Variants in RNF139 observed in about 807,000 individuals in gnomAD.
The protein encoded by RNF139 is E3 ubiquitin-protein ligase RNF139.
In RNF139, 15 loss-of-function variants were observed where a neutral mutation model predicts 49.5. That is an observed-to-expected ratio of 0.30 (90% CI 0.20 to 0.47). The LOEUF (loss-of-function observed/expected upper bound fraction) is 0.47, where lower values mean the gene tolerates loss of function less well. RNF139 is among the 20% of genes least tolerant of loss of function. The probability of loss-of-function intolerance (pLI) is 1.00; values close to 1 mark genes in which losing one functional copy is unlikely to be tolerated. For missense variants in RNF139, 619 were observed against 806.3 expected (o/e 0.77, Z 2.81); for synonymous variants, 325 against 300.9 (o/e 1.08, Z -0.83).
At position 124,475,195 on chromosome 8, in the gene RNF139, C is replaced by T; in HGVS notation, c.86C>T (p.Pro29Leu). ...GCGCTCGAAGTGGCGCTCCGGGTGC[C>T]CTGCCTTTACATCATCGACGCCATC... ...WAALEVALRV[P>L]CLYIIDAIFN... The change falls in exon 1 of 2, where the codon CCC becomes CTC. Residue 29 changes from proline (P) to leucine (L), a missense_variant. Pro to Leu is a moderately conservative substitution (Grantham distance 98). Around this residue, in one of 2 missense-constraint regions of RNF139, gnomAD observed 89 missense variants for 77.5 expected, o/e 1.15. Coordinates refer to ENST00000303545, the MANE Select transcript of RNF139 (RefSeq NM_007218.4). 1 of 1,614,038 alleles carries T rather than the reference C, an allele frequency of 6.2e-7. No individual in the cohort carries two copies. The highest frequency in any genetic ancestry group is 8.5e-7 in the Non-Finnish European group (1 of 1,179,998).
chr8:124,487,823 C>G lies in RNF139; in HGVS notation c.*179C>G. 1 of 593,644 alleles carries G rather than the reference C, an allele frequency of 1.7e-6. No homozygotes were observed. Among genetic ancestry groups the G allele is most frequent in the Non-Finnish European group, 2.9e-6 (1 of 348,368 alleles). 36.8% of individuals were successfully genotyped at this position (593,644 alleles called of 1,614,324 possible). ...TGTAAATATACCTCTTTAATTACTT[C>G]TGGTCTCTTTGGTGACCTGTTTAAA... On this transcript the variant is annotated 3_prime_UTR_variant, in exon 2 of 2. Coordinates refer to ENST00000303545, the MANE Select transcript of RNF139 (RefSeq NM_007218.4).
In RNF139 at chr8:124,487,025, A is replaced by G; in HGVS notation, c.1376A>G (p.Asp459Gly). ...AATGTCCTCTGGGAAAAGCTTGACG[A>G]TTATGTCTACTACGTTCGTTCAACA... is the stretch of plus-strand genomic sequence containing the variant. ...YYNVLWEKLD[D>G]YVYYVRSTGS... The change falls in exon 2 of 2, where the codon GAT becomes GGT. Residue 459 changes from aspartate to glycine, a missense_variant. Around this residue, in one of 2 missense-constraint regions of RNF139, gnomAD observed 530 missense variants for 728.9 expected, o/e 0.73. Coordinates refer to ENST00000303545, the MANE Select transcript of RNF139 (RefSeq NM_007218.4). 6.2e-7 allele frequency: 1 copy of G among 1,614,062 alleles called. No homozygotes were observed.
At chr8:124,475,563 C>G (rs757802145) in intron 1 of RNF139, among the ~76,000 whole-genome samples, 1 of 152,166 alleles carries the variant, frequency 6.6e-6, no homozygotes, top group Non-Finnish European at 1.5e-5. Flanking sequence ...GCTCTTTGCC[C>G]GTTTGCCTTG....
intron 1 of RNF139, among the ~76,000 whole-genome samples, chr8:124,478,609 A>AC (rs989106256): frequency 1.3e-4 from 20 of 151,946 alleles, no homozygotes; most frequent in African/African-American, 4.8e-4. Context: ...CTGTCTCAAA[A>AC]AAAAAAAAAA....
At chr8:124,485,736 A>C in intron 1 of RNF139, 95 bp from the exon 2 acceptor site, 1 of 1,061,542 alleles carries the variant, frequency 9.4e-7, no homozygotes, top group Non-Finnish European at 1.3e-6. Flanking sequence ...GAAAATATTC[A>C]TATTTCCTAA....
intron 1 of RNF139, among the ~76,000 whole-genome samples, chr8:124,477,318 G>T (rs897519539): frequency 1.3e-5 from 2 of 152,114 alleles, no homozygotes; most frequent in African/African-American, 2.4e-5. Context: ...ACTGATTTCG[G>T]TGCTAAAAAA....
At chr8:124,475,899 T>C (rs1816305857) in intron 1 of RNF139, among the ~76,000 whole-genome samples, 1 of 152,226 alleles carries the variant, frequency 6.6e-6, no homozygotes, top group Non-Finnish European at 1.5e-5. Context: ...CGAGAAGGTA[T>C]TGAAAGTGAC....
chr8:124,480,172 C>T (rs777883499), intron 1 of RNF139, among the ~76,000 whole-genome samples: 1 of 151,188 alleles, frequency 6.6e-6, no homozygotes, highest in East Asian at 2.0e-4. Flanking sequence ...TAAGTGTATT[C>T]TTACCTAGAT....
At position 124,479,288 on chromosome 8, in the gene RNF139, T is replaced by G. The variant is rs533233828; in HGVS notation, c.181+3998T>G. Among the ~76,000 whole-genome samples, 5 of 151,328 alleles carry G rather than the reference T, an allele frequency of 3.3e-5. No individual in the cohort carries two copies. In the South Asian group the frequency reaches 8.3e-4, roughly 25 times the overall value. On this transcript the variant is annotated intron_variant, in intron 1 of 1. Coordinates refer to ENST00000303545, the MANE Select transcript of RNF139 (RefSeq NM_007218.4). ...ATTCTAGGGAATTGGCCTAGAGAGA[T>G]AGTTTGCTTAAGGACTATGGGCAAG...
intron 1 of RNF139, among the ~76,000 whole-genome samples, chr8:124,484,751 G>C (rs1253239640): frequency 6.6e-6 from 1 of 152,158 alleles, no homozygotes; most frequent in Non-Finnish European, 1.5e-5. Flanking sequence ...TCTATGGAGT[G>C]GGGGAAGGAG....
intron 1 of RNF139, among the ~76,000 whole-genome samples, chr8:124,475,525 G>T (rs11778396): frequency 6.6e-6 from 1 of 152,116 alleles, no homozygotes; most frequent in African/African-American, 2.4e-5. Context: ...AGTGAGGTGG[G>T]GAGAAAGTAA....
At position 124,474,986 on chromosome 8, in the gene RNF139, A is replaced by G. The variant is rs1816282720; in HGVS notation, c.-124A>G. 1.8e-6 allele frequency: 1 copy of G among 547,166 alleles called. No individual in the cohort carries two copies. The highest frequency in any genetic ancestry group is 2.7e-6 in the Non-Finnish European group (1 of 375,522). 33.9% of individuals were successfully genotyped at this position (547,166 alleles called of 1,614,324 possible). On this transcript the variant is annotated 5_prime_UTR_variant, in exon 1 of 2. Coordinates refer to ENST00000303545, the MANE Select transcript of RNF139 (RefSeq NM_007218.4). This position sits in a 1 kb window ranked among gnomAD's most constrained non-coding sequence, Gnocchi z 4.6. ...CGGGCGGCGGGGCTGGCCGTGAGAGAGACAGGAGAGGAAGGAGGGCAGGGG... is the reference window on the plus strand; with the variant it reads ...CGGGCGGCGGGGCTGGCCGTGAGAGGGACAGGAGAGGAAGGAGGGCAGGGG...
intron 1 of RNF139, among the ~76,000 whole-genome samples, chr8:124,480,091 A>G (rs1434007090): frequency 6.6e-6 from 1 of 152,158 alleles, no homozygotes; most frequent in Admixed American, 6.5e-5. Flanking sequence ...CTATGATTGC[A>G]TAACTGCACT....
In RNF139 at chr8:124,486,145, T is replaced by C. The variant is rs1414533637; in HGVS notation, c.496T>C (p.Leu166=). 1.2e-6 allele frequency: 2 copies of C among 1,614,128 alleles called. No individual in the cohort carries two copies. The highest frequency in any genetic ancestry group is 3.3e-5 in the Admixed American group (2 of 60,030). The change falls in exon 2 of 2, where the codon TTA becomes CTA. Residue 166 remains leucine (L), a synonymous_variant. Coordinates refer to ENST00000303545, the MANE Select transcript of RNF139 (RefSeq NM_007218.4). ...ILDLLVPVIG[L]ITELPLHIRE... ...GGATCTCTTGGTTCCTGTAATAGGCTTAATCACAGAGCTACCATTACACAT... is the reference window on the plus strand; with the variant it reads ...GGATCTCTTGGTTCCTGTAATAGGCCTAATCACAGAGCTACCATTACACAT...
intron 1 of RNF139, among the ~76,000 whole-genome samples, chr8:124,485,210 A>G (rs1031483886): frequency 5.3e-5 from 8 of 152,180 alleles, no homozygotes; most frequent in African/African-American, 1.7e-4. Context: ...CTAAAAATAC[A>G]AAAATTAGCT....
chr8:124,487,241 C>T lies in RNF139; in HGVS notation c.1592C>T (p.Ser531Leu), dbSNP rs1476330668. ...NRRTAVKKIN[S>L]LPEIKGSRLQ... Reference sequence around the variant, plus strand: ...AGGACTGCTGTGAAGAAAATTAATTCACTTCCTGAAATAAAAGGGAGCCGC... The same window carrying T: ...AGGACTGCTGTGAAGAAAATTAATTTACTTCCTGAAATAAAAGGGAGCCGC... The change falls in exon 2 of 2, where the codon TCA (serine) becomes TTA (leucine). Residue 531 changes from serine to leucine, a missense_variant. Coordinates refer to ENST00000303545, the MANE Select transcript of RNF139 (RefSeq NM_007218.4). The T allele has an allele frequency of 6.2e-7, 1 of 1,613,704 alleles. No individual in the cohort carries two copies. Among genetic ancestry groups the T allele is most frequent in the Non-Finnish European group, 8.5e-7 (1 of 1,179,956 alleles).
intron 1 of RNF139, among the ~76,000 whole-genome samples, chr8:124,481,382 C>G (rs190220031): frequency 6.6e-6 from 1 of 152,168 alleles, no homozygotes; most frequent in African/African-American, 2.4e-5. Flanking sequence ...GATTTTTAGT[C>G]ATAAGTTTCC....
Position 124,475,061 on chromosome 8 carries a change from C to T in RNF139, c.-49C>T, listed in dbSNP as rs1376822674. 4 of 1,338,276 alleles carry T rather than the reference C, an allele frequency of 3.0e-6. No individual in the cohort carries two copies. In the South Asian group the frequency reaches 5.3e-5, roughly 18 times the overall value. 82.9% of individuals were successfully genotyped at this position (1,338,276 alleles called of 1,614,324 possible). ...CCCCCGGCCGCGGCCCCGGGCCCTGCCCCGCGCGGCCCTGCCCGGCCCACC... is the reference window on the plus strand; with the variant it reads ...CCCCCGGCCGCGGCCCCGGGCCCTGTCCCGCGCGGCCCTGCCCGGCCCACC... On this transcript the variant is annotated 5_prime_UTR_variant, in exon 1 of 2. Transcript: ENST00000303545.
At chr8:124,484,397 G>C (rs1816496412) in intron 1 of RNF139, among the ~76,000 whole-genome samples, 2 of 152,142 alleles carry the variant, frequency 1.3e-5, no homozygotes, top group South Asian at 2.1e-4. Flanking sequence ...ACAAGATGAG[G>C]GTTTTTTGAG....
Sources: gnomAD v4.1 joint callset for allele counts (sites outside exome capture counted in the v4.1 genomes callset) on GRCh38, gnomAD v4.1.1 for gene constraint, gnomAD v4.1.1 regional missense constraint, Gnocchi (gnomAD v3.1) non-coding constraint, MANE v1.5 for transcripts, NCBI Gene and HGNC (gene_info 2026-07-23, HGNC 2026-07-21) for gene names.